LCAT: variants seen among roughly 807,000 people sequenced by gnomAD.
LCAT encodes the protein lecithin-cholesterol acyltransferase.
A neutral mutation model predicts 41.0 loss-of-function variants in LCAT; 15 were observed. The observed-to-expected ratio is 0.37, with a 90% CI of 0.24 to 0.56. The LOEUF is 0.56. LCAT is among the 20% of genes least tolerant of loss of function. LCAT has a pLI of 0.81. For synonymous variants in LCAT, 248 were observed against 245.4 expected, an observed-to-expected ratio of 1.01 and a Z score of -0.10; for missense variants, 449 against 595.1, an observed-to-expected ratio of 0.75 and a Z score of 2.55.
Position 67,943,640 on chromosome 16 carries a change from G to A in LCAT, c.154+308C>T. ...GGGTGGGGGCCAAGGAAGGAGTGGTGGGGCTTGGCCCAGAGTCTGGTGTGG... is the reference window on the plus strand; with the variant it reads ...GGGTGGGGGCCAAGGAAGGAGTGGTAGGGCTTGGCCCAGAGTCTGGTGTGG... On this transcript the variant is annotated intron_variant, in intron 1 of 5. Coordinates refer to ENST00000264005, the MANE Select transcript of LCAT (RefSeq NM_000229.2). The surrounding 1 kb of genome is among the most constrained non-coding windows in gnomAD (Gnocchi z 4.6). 3.8e-6 allele frequency: 2 copies of A among 523,890 alleles called. No individual in the cohort carries two copies. Among genetic ancestry groups the A allele is most frequent in the Non-Finnish European group, 6.9e-6 (2 of 290,290 alleles). 32.5% of individuals were successfully genotyped at this position (523,890 alleles called of 1,614,324 possible). A position where few individuals can be genotyped will look rare whatever the true frequency, so the allele number is the denominator to read the frequency against.
chr16:67,939,775 C>T lies in LCAT; in HGVS notation c.*129G>A. ...AGCTCAGTCCCAGGCCTCAGCAGAGCCCATCTTGCCTCACTGCACACAGCA... is the reference window on the plus strand; with the variant it reads ...AGCTCAGTCCCAGGCCTCAGCAGAGTCCATCTTGCCTCACTGCACACAGCA... On this transcript the variant is annotated 3_prime_UTR_variant, in exon 6 of 6. Transcript: ENST00000264005. The T allele has an allele frequency of 6.8e-7, 1 of 1,475,176 alleles. No homozygotes were observed. The allele number at this position is 1,475,176 out of a possible 1,614,324, so 91.4% of individuals were successfully genotyped here.
Position 67,943,470 on chromosome 16 carries a change from A to C in LCAT, c.155-258T>G. The C allele has an allele frequency of 1.9e-6, 1 of 539,718 alleles. No homozygotes were observed. Among genetic ancestry groups the C allele is most frequent in the Non-Finnish European group, 3.4e-6 (1 of 297,572 alleles). The allele number at this position is 539,718 out of a possible 1,614,324, so 33.4% of individuals were successfully genotyped here. A position where few individuals can be genotyped will look rare whatever the true frequency, so the allele number is the denominator to read the frequency against. ...CGCTGACCCCTGCCTCTGCAGAGCAAACACCCAGTCTGGCGCTCCTTTATT... is the reference window on the plus strand; with the variant it reads ...CGCTGACCCCTGCCTCTGCAGAGCACACACCCAGTCTGGCGCTCCTTTATT... On this transcript the variant is annotated intron_variant, in intron 1 of 5. Transcript: ENST00000264005. The surrounding 1 kb of genome is among the most constrained non-coding windows in gnomAD (Gnocchi z 4.6).
chr16:67,943,887 G>A lies in LCAT; in HGVS notation c.154+61C>T. 6.9e-7 allele frequency: 1 copy of A among 1,451,588 alleles called. No homozygotes were observed. Among genetic ancestry groups the A allele is most frequent in the Non-Finnish European group, 9.3e-7 (1 of 1,076,294 alleles). 89.9% of individuals were successfully genotyped at this position (1,451,588 alleles called of 1,614,324 possible). Reference sequence around the variant, plus strand: ...GGCTTTGGCCAGGTCAGCTGCCAGGGGCTGGGGCCCAGGCTCCCCAGGGTC... The same window carrying A: ...GGCTTTGGCCAGGTCAGCTGCCAGGAGCTGGGGCCCAGGCTCCCCAGGGTC... On this transcript the variant is annotated intron_variant, in intron 1 of 5. Coordinates refer to ENST00000264005, the MANE Select transcript of LCAT (RefSeq NM_000229.2). This position sits in a 1 kb window ranked among gnomAD's most constrained non-coding sequence, Gnocchi z 4.6.
At position 67,942,116 on chromosome 16, in the gene LCAT, G is replaced by A. The variant is rs1215693129; in HGVS notation, c.748+247C>T. 1 of 1,403,044 alleles carries A rather than the reference G, an allele frequency of 7.1e-7. No homozygotes were observed. The highest frequency in any genetic ancestry group is 1.4e-5 in the African/African-American group (1 of 69,672). The allele number at this position is 1,403,044 out of a possible 1,614,324, so 86.9% of individuals were successfully genotyped here. On this transcript the variant is annotated intron_variant, in intron 5 of 5. Coordinates refer to ENST00000264005, the MANE Select transcript of LCAT (RefSeq NM_000229.2). This position sits in a 1 kb window ranked among gnomAD's most constrained non-coding sequence, Gnocchi z 6.6. Reference sequence around the variant, plus strand: ...GCTACAAGAACAAACCCTGGGAGCAGATAGCTGGGATTCACTTTCTGTGTT... The same window carrying A: ...GCTACAAGAACAAACCCTGGGAGCAAATAGCTGGGATTCACTTTCTGTGTT...
At position 67,943,991 on chromosome 16, in the gene LCAT, CGT is replaced by C. The variant is rs749328561; in HGVS notation, c.109_110del (p.Thr37AlafsTer4). On this transcript the variant is annotated frameshift_variant, in exon 1 of 6. Transcript: ENST00000264005. LOFTEE classifies it high-confidence loss of function. This position sits in a 1 kb window ranked among gnomAD's most constrained non-coding sequence, Gnocchi z 4.6. ...LLNVLFPPHTTPKAELSNHTR... is the reference protein window; with the variant it reads ...LLNVLFPPHTXPKAELSNHTR... The stretch of plus-strand genomic sequence containing the variant: ...TGTGGTTACTGAGCTCAGCCTTGGG[CGT>C]GGTGTGCGGGGGGAAGAGCACATTG... 7 of 1,548,250 alleles carry C rather than the reference CGT, an allele frequency of 4.5e-6. No homozygotes were observed. The highest frequency in any genetic ancestry group is 6.1e-6 in the Non-Finnish European group (7 of 1,145,684).
intron 5 of LCAT, among the ~76,000 whole-genome samples, chr16:67,941,101 C>T (rs11865016): frequency 3.8e-3 from 580 of 151,928 alleles, no homozygotes; most frequent in African/African-American, 0.014. Flanking sequence ...GTCAGGAGTT[C>T]GAGACCAGCC....
Position 67,942,967 on chromosome 16 carries a change from G to T in LCAT, c.321C>A (p.Tyr107Ter), listed in dbSNP as rs121908055. 4.2e-5 allele frequency: 68 copies of T among 1,613,774 alleles called. No individual in the cohort carries two copies. Among genetic ancestry groups the T allele is most frequent in the Non-Finnish European group, 5.1e-5 (60 of 1,179,976 alleles). The change falls in exon 3 of 6, where the codon TAC (tyrosine) becomes TAA (stop). Residue 107 changes from tyrosine to a stop codon, truncating the protein, a stop_gained. Coordinates refer to ENST00000264005, the MANE Select transcript of LCAT (RefSeq NM_000229.2). LOFTEE classifies it high-confidence loss of function. The surrounding 1 kb of genome is among the most constrained non-coding windows in gnomAD (Gnocchi z 6.6). Reference protein sequence around the residue: ...DCWIDNTRVVYNRSSGLVSNA... With the variant: ...DCWIDNTRVV Reference sequence around the variant, plus strand: ...TGGACACGAGCCCAGAGCTCCGGTTGTAGACAACCCTGCGGGGCGGGGGTG... The same window carrying T: ...TGGACACGAGCCCAGAGCTCCGGTTTTAGACAACCCTGCGGGGCGGGGGTG...
chr16:67,941,776 A>G, intron 5 of LCAT: 1 of 1,021,624 alleles, frequency 9.8e-7, no homozygotes, highest in South Asian at 3.9e-5. Flanking sequence ...AATGGGGGCC[A>G]CAGAGTTGTG....
chr16:67,940,506 G>A lies in LCAT; in HGVS notation c.749-28C>T, dbSNP rs763920584. 8 of 1,613,160 alleles carry A rather than the reference G, an allele frequency of 5.0e-6. No individual in the cohort carries two copies. The South Asian group carries it at 7.7e-5, about 16-fold the overall frequency. ...GTGGATATGGAGCAAGGTGGGACAG[G>A]GAGCCAGGCCTGGCTACCCCTGGCC... On this transcript the variant is annotated intron_variant, in intron 5 of 5. Transcript: ENST00000264005.
Position 67,942,904 on chromosome 16 carries a change from G to T in LCAT, c.384C>A (p.Gly128=), listed in dbSNP as rs756044262. Residue 128 remains glycine, a synonymous_variant, in exon 3 of 6, where the codon GGC becomes GGA. Coordinates refer to ENST00000264005, the MANE Select transcript of LCAT (RefSeq NM_000229.2). This position sits in a 1 kb window ranked among gnomAD's most constrained non-coding sequence, Gnocchi z 6.6. ...PGVQIRVPGF[G]KTYSVEYLDS... ...CCAGGTACTCCACAGAGTAGGTCTT[G>T]CCAAAGCCAGGGACGCGGATCTGGA... is the stretch of plus-strand genomic sequence containing the variant. The T allele has an allele frequency of 1.2e-6, 2 of 1,613,870 alleles. No individual in the cohort carries two copies. The highest frequency in any genetic ancestry group is 2.2e-5 in the South Asian group (2 of 91,084).
rs2058295019 is a variant in LCAT at position 67,942,192 on chromosome 16, T to C, written c.748+171A>G. 7.7e-7 allele frequency: 1 copy of C among 1,302,204 alleles called. No individual in the cohort carries two copies. Among genetic ancestry groups the C allele is most frequent in the Admixed American group, 2.0e-5 (1 of 48,890 alleles). The allele number at this position is 1,302,204 out of a possible 1,614,324, so 80.7% of individuals were successfully genotyped here. A position where few individuals can be genotyped will look rare whatever the true frequency, so the allele number is the denominator to read the frequency against. On this transcript the variant is annotated intron_variant, in intron 5 of 5. Transcript: ENST00000264005. The surrounding 1 kb of genome is among the most constrained non-coding windows in gnomAD (Gnocchi z 6.6). Reference sequence around the variant, plus strand: ...CAGACTCTGGAAGGAGCCACCCTAATTGCTCAGGCCAGGGTCACTGCTCTG... The same window carrying C: ...CAGACTCTGGAAGGAGCCACCCTAACTGCTCAGGCCAGGGTCACTGCTCTG...
rs777685450 is a variant in LCAT, at chr16:67,943,263, AC to A, written c.155-52del. The A allele has an allele frequency of 4.2e-6, 6 of 1,444,682 alleles. No homozygotes were observed. In the African/African-American group the frequency reaches 6.6e-5, roughly 16 times the overall value. The allele number at this position is 1,444,682 out of a possible 1,614,324, so 89.5% of individuals were successfully genotyped here. A position where few individuals can be genotyped will look rare whatever the true frequency, so the allele number is the denominator to read the frequency against. On this transcript the variant is annotated intron_variant, in intron 1 of 5. Coordinates refer to ENST00000264005, the MANE Select transcript of LCAT (RefSeq NM_000229.2). The surrounding 1 kb of genome is among the most constrained non-coding windows in gnomAD (Gnocchi z 4.6). ...ACTCTGGATTCCCCCCGTGACCCTT[AC>A]CCCCGTCACCCCAGATGCTGCAGTG...
Position 67,942,749 on chromosome 16 carries a change from C to T in LCAT, c.445G>A (p.Val149Met). 1 of 1,612,920 alleles carries T rather than the reference C, an allele frequency of 6.2e-7. No homozygotes were observed. The highest frequency in any genetic ancestry group is 8.5e-7 in the Non-Finnish European group (1 of 1,179,940). ...TAGCCATTGTTGACCAGGTTCTGCA[C>T]CAGTGTGTGCAGGTACCCTGTGGGG... is the stretch of plus-strand genomic sequence containing the variant. ...SKLAGYLHTL[V>M]QNLVNNGYVR... The change falls in exon 4 of 6, where the codon GTG (valine) becomes ATG (methionine). Residue 149 changes from valine to methionine, a missense_variant. By Grantham distance (21) the Val-to-Met change is conservative. Transcript: ENST00000264005. This position sits in a 1 kb window ranked among gnomAD's most constrained non-coding sequence, Gnocchi z 6.6.
At chr16:67,941,868 G>C in intron 5 of LCAT, 1 of 1,091,202 alleles carries the variant, frequency 9.2e-7, no homozygotes, top group Non-Finnish European at 1.1e-6. Context: ...TCCAGACTGT[G>C]TTTCTCTCTC....
chr16:67,940,146 C>T lies in LCAT; in HGVS notation c.1081G>A (p.Val361Met). 6.2e-7 allele frequency: 1 copy of T among 1,613,594 alleles called. No homozygotes were observed. Among genetic ancestry groups the T allele is most frequent in the Non-Finnish European group, 8.5e-7 (1 of 1,180,016 alleles). Residue 361 changes from valine to methionine, a missense_variant, in exon 6 of 6, where the codon GTG (valine) becomes ATG (methionine). Val to Met is a conservative substitution (Grantham distance 21, BLOSUM62 1). Coordinates refer to ENST00000264005, the MANE Select transcript of LCAT (RefSeq NM_000229.2). ...YDHGFPYTDPVGVLYEDGDDT... is the reference protein window; with the variant it reads ...YDHGFPYTDPMGVLYEDGDDT... ...TCACCATCCTCATAGAGCACACCCA[C>T]AGGGTCCGTGTAGGGGAAGCCGTGG...
chr16:67,940,351 TGTGGAAATGAACAC>T lies in LCAT; in HGVS notation c.862_875del (p.Val288ThrfsTer9), dbSNP rs2058285603. On this transcript the variant is annotated frameshift_variant, in exon 6 of 6. Coordinates refer to ENST00000264005, the MANE Select transcript of LCAT (RefSeq NM_000229.2). LOFTEE classifies it high-confidence loss of function. ...CACGGCCTGTGTAGTTGAAGCTGGGTGTGGAAATGAACACGTGGTCCTCAGGCCACGCCATGCGA... is the reference window on the plus strand; with the variant it reads ...CACGGCCTGTGTAGTTGAAGCTGGGTGTGGTCCTCAGGCCACGCCATGCGA... 6.2e-7 allele frequency: 1 copy of T among 1,613,832 alleles called. No homozygotes were observed. Among genetic ancestry groups the T allele is most frequent in the Admixed American group, 1.7e-5 (1 of 59,998 alleles).
At position 67,943,383 on chromosome 16, in the gene LCAT, C is replaced by A; in HGVS notation, c.155-171G>T. 1.5e-6 allele frequency: 1 copy of A among 677,746 alleles called. No individual in the cohort carries two copies. Among genetic ancestry groups the A allele is most frequent in the Admixed American group, 2.1e-5 (1 of 47,148 alleles). 42.0% of individuals were successfully genotyped at this position (677,746 alleles called of 1,614,324 possible). A position where few individuals can be genotyped will look rare whatever the true frequency, so the allele number is the denominator to read the frequency against. On this transcript the variant is annotated intron_variant, in intron 1 of 5. Coordinates refer to ENST00000264005, the MANE Select transcript of LCAT (RefSeq NM_000229.2). The surrounding 1 kb of genome is among the most constrained non-coding windows in gnomAD (Gnocchi z 4.6). ...TACACCCCCTCTCCCTGCTGTCCCC[C>A]CAGTAGCCAAAGCCCAGGCTTCCCT...
In LCAT at chr16:67,940,460, G is replaced by A; in HGVS notation, c.767C>T (p.Pro256Leu). 1 of 1,614,008 alleles carries A rather than the reference G, an allele frequency of 6.2e-7. No individual in the cohort carries two copies. Among genetic ancestry groups the A allele is most frequent in the Non-Finnish European group, 8.5e-7 (1 of 1,179,984 alleles). The part of the protein sequence containing the change: ...VLASGDNQGI[P>L]IMSSIKLKEE... ...TTTCAGCTTGATGCTGGACATGATG[G>A]GGATGCCCTGGTTGTCACCTGTGGA... The change falls in exon 6 of 6, where the codon CCC becomes CTC. Residue 256 changes from proline (P) to leucine (L), a missense_variant. Coordinates refer to ENST00000264005, the MANE Select transcript of LCAT (RefSeq NM_000229.2).
chr16:67,943,296 C>T lies in LCAT; in HGVS notation c.155-84G>A. On this transcript the variant is annotated intron_variant, in intron 1 of 5. Coordinates refer to ENST00000264005, the MANE Select transcript of LCAT (RefSeq NM_000229.2). The surrounding 1 kb of genome is among the most constrained non-coding windows in gnomAD (Gnocchi z 4.6). ...CACCCCAGATGCTGCAGTGACCAGA[C>T]CCACCCCCCACCTCCCATACCCTCA... 2.1e-6 allele frequency: 3 copies of T among 1,396,652 alleles called. No homozygotes were observed. The highest frequency in any genetic ancestry group is 3.0e-6 in the Non-Finnish European group (3 of 1,000,902). 86.5% of individuals were successfully genotyped at this position (1,396,652 alleles called of 1,614,324 possible). A position where few individuals can be genotyped will look rare whatever the true frequency, so the allele number is the denominator to read the frequency against.
Sources: gnomAD v4.1 joint callset for allele counts (sites outside exome capture counted in the v4.1 genomes callset) on GRCh38, gnomAD v4.1.1 for gene constraint, Gnocchi (gnomAD v3.1) non-coding constraint, MANE v1.5 for transcripts, NCBI Gene and HGNC (gene_info 2026-07-23, HGNC 2026-07-21) for gene names.